HPS3: variants seen among roughly 807,000 people sequenced by gnomAD.
HPS3 encodes the protein BLOC-2 complex member HPS3.
In HPS3, 79 loss-of-function variants were observed where a neutral mutation model predicts 110.9. The observed-to-expected ratio is 0.71, with a 90% CI of 0.59 to 0.86. The LOEUF (loss-of-function observed/expected upper bound fraction) is 0.86, where lower values mean the gene tolerates loss of function less well. Ranked by LOEUF, HPS3 falls within the 40% of genes least tolerant of loss-of-function variation. The pLI is 0.00. For synonymous variants in HPS3, 428 were observed against 451.0 expected, an observed-to-expected ratio of 0.95 and a Z score of 0.65; for missense variants, 1,197 against 1,206.2, an observed-to-expected ratio of 0.99 and a Z score of 0.11.
Position 149,162,805 on chromosome 3 carries a change from C to T in HPS3, c.2408C>T (p.Thr803Ile), listed in dbSNP as rs1217032727. 9.9e-6 allele frequency: 16 copies of T among 1,613,916 alleles called. No homozygotes were observed. The highest frequency in any genetic ancestry group is 1.4e-5 in the Non-Finnish European group (16 of 1,179,936). The change falls in exon 13 of 17, where the codon ACA becomes ATA. Residue 803 changes from threonine to isoleucine, a missense_variant. Coordinates refer to ENST00000296051, the MANE Select transcript of HPS3 (RefSeq NM_032383.5). ...VVLQELFFKL[T>I]SQYIWRLSKR... is the part of the protein sequence containing the mutation. The stretch of plus-strand genomic sequence containing the variant: ...CTTCAGGAACTCTTTTTCAAACTCA[C>T]ATCACAGTACATCTGGAGATTGTCT...
intron 8 of HPS3, 83 bp downstream of exon 8, chr3:149,155,298 A>G: frequency 2.3e-6 from 2 of 857,490 alleles, no homozygotes; most frequent in Non-Finnish European, 4.0e-6. Context: ...ATTATCATAC[A>G]TTCAGGATGC....
intron 1 of HPS3, among the ~76,000 whole-genome samples, chr3:149,136,060 T>C (rs1170180437): frequency 6.6e-6 from 1 of 152,092 alleles, no homozygotes; most frequent in Non-Finnish European, 1.5e-5. Context: ...AATCAGTAAC[T>C]CTAAGCTCAA....
At chr3:149,150,003 C>T (rs1222084451) in intron 5 of HPS3, among the ~76,000 whole-genome samples, 1 of 152,116 alleles carries the variant, frequency 6.6e-6, no homozygotes, top group African/African-American at 2.4e-5. Flanking sequence ...GGCGGTGGAC[C>T]AGTCATGAAC....
At chr3:149,129,976 C>G in intron 1 of HPS3, 36 bp downstream of exon 1, 1 of 1,516,628 alleles carries the variant, frequency 6.6e-7, no homozygotes, top group Non-Finnish European at 8.8e-7. Flanking sequence ...CGCCTGGGGT[C>G]CAGCTTGAGG....
intron 1 of HPS3, among the ~76,000 whole-genome samples, chr3:149,132,385 T>C (rs1469913198): frequency 6.6e-6 from 1 of 152,190 alleles, no homozygotes; most frequent in East Asian, 1.9e-4. Flanking sequence ...ATAGGGCCCT[T>C]TTAAAAATTA....
chr3:149,162,448 T>C (rs1194724978), intron 12 of HPS3, 115 bp downstream of exon 12: 1 of 982,028 alleles, frequency 1.0e-6, no homozygotes, highest in Admixed American at 2.0e-5. Flanking sequence ...AAAACAGACA[T>C]ACATAATCAG....
At chr3:149,141,797 A>G (rs1368681164) in intron 4 of HPS3, among the ~76,000 whole-genome samples, 31 of 151,698 alleles carry the variant, frequency 2.0e-4, no homozygotes, top group Non-Finnish European at 1.5e-4. Flanking sequence ...GGCCTCCCAA[A>G]GTGCTAGGAT....
At chr3:149,140,535 A>G (rs1559909055) in intron 2 of HPS3, 37 bp downstream of exon 2, 2 of 1,611,758 alleles carry the variant, frequency 1.2e-6, no homozygotes, top group Admixed American at 3.3e-5. Flanking sequence ...TTGTTTTAGG[A>G]ATATAGAAAA....
chr3:149,154,938 G>A (rs1723348198), intron 7 of HPS3, among the ~76,000 whole-genome samples, 169 bp from the exon 8 acceptor site: 1 of 152,232 alleles, frequency 6.6e-6, no homozygotes, highest in African/African-American at 2.4e-5. Flanking sequence ...GTTAGCCTAT[G>A]TAGTATTGTG....
rs199882259 is a variant in HPS3, at chr3:149,158,742, C to T, written c.1768C>T (p.Arg590Cys). 2.2e-5 allele frequency: 36 copies of T among 1,612,692 alleles called. No individual in the cohort carries two copies. In the East Asian group the frequency reaches 3.1e-4, roughly 14 times the overall value. ...TTTGTCTATGGCTGAAGTTCTGGCC[C>T]GCACGGACTGGACAGTAGAGGATGG... ...SGLSMAEVLA[R>C]TDWTVEDGLQ... The change falls in exon 10 of 17, where the codon CGC (arginine) becomes TGC (cysteine). Residue 590 changes from arginine to cysteine, a missense_variant. Coordinates refer to ENST00000296051, the MANE Select transcript of HPS3 (RefSeq NM_032383.5).
chr3:149,138,637 C>G (rs1430311402), intron 1 of HPS3, among the ~76,000 whole-genome samples: 3 of 152,102 alleles, frequency 2.0e-5, no homozygotes, highest in African/African-American at 7.2e-5. Flanking sequence ...AAAATAGACT[C>G]TAAAACCATT....
chr3:149,139,425 CA>C (rs1722299419), intron 1 of HPS3, among the ~76,000 whole-genome samples: 1 of 152,180 alleles, frequency 6.6e-6, no homozygotes, highest in Admixed American at 6.5e-5. Context: ...TTATGCTTTT[CA>C]TTTTGCATCT....
At position 149,150,611 on chromosome 3, in the gene HPS3, G is replaced by T. The variant is rs1723042348; in HGVS notation, c.1176G>T (p.Gln392His). 2 of 1,613,932 alleles carry T rather than the reference G, an allele frequency of 1.2e-6. No individual in the cohort carries two copies. The highest frequency in any genetic ancestry group is 3.3e-5 in the Admixed American group (2 of 60,008). ...TCTTCCTCCTCAGTAACAACCTGCA[G>T]TGTTTCACTGTGCGGTGCAGTGCGG... ...FLHVITSNNL[Q>H]CFTVRCSAAA... The change falls in exon 6 of 17, where the codon CAG becomes CAT. Residue 392 changes from glutamine to histidine, a missense_variant. Transcript: ENST00000296051.
intron 10 of HPS3, among the ~76,000 whole-genome samples, chr3:149,159,442 A>C (rs948190664): frequency 6.6e-6 from 1 of 152,156 alleles, no homozygotes; most frequent in African/African-American, 2.4e-5. Flanking sequence ...ATACACCTGT[A>C]GTTCCAGCTA....
chr3:149,170,228 G>C (rs1724839473), intron 16 of HPS3, among the ~76,000 whole-genome samples: 1 of 152,170 alleles, frequency 6.6e-6, no homozygotes, highest in Non-Finnish European at 1.5e-5. Flanking sequence ...CCTTATTTGG[G>C]AGAAGAGGAG....
intron 14 of HPS3, 73 bp from the exon 15 acceptor site, chr3:149,166,961 A>C: frequency 2.5e-6 from 3 of 1,183,312 alleles, no homozygotes; most frequent in Middle Eastern, 4.9e-4. Context: ...AGTCTTAAGA[A>C]ATTGAATTCT....
chr3:149,143,364 C>G (rs1015389261), intron 4 of HPS3, among the ~76,000 whole-genome samples: 9 of 152,174 alleles, frequency 5.9e-5, no homozygotes, highest in African/African-American at 1.9e-4. Flanking sequence ...TTAAGTCATT[C>G]AGTTCGCAGC....
Position 149,172,288 on chromosome 3 carries a change from T to G in HPS3, c.*66T>G. Reference sequence around the variant, plus strand: ...AATTTCTAAAAATTGAATGCCAAAGTACAAGTAGAGGAGTTTTTTATTTTA... The same window carrying G: ...AATTTCTAAAAATTGAATGCCAAAGGACAAGTAGAGGAGTTTTTTATTTTA... On this transcript the variant is annotated 3_prime_UTR_variant, in exon 17 of 17. Transcript: ENST00000296051. The G allele has an allele frequency of 7.4e-7, 1 of 1,344,872 alleles. No individual in the cohort carries two copies. Among genetic ancestry groups the G allele is most frequent in the South Asian group, 1.2e-5 (1 of 83,398 alleles). 83.3% of individuals were successfully genotyped at this position (1,344,872 alleles called of 1,614,324 possible).
chr3:149,159,839 A>T (rs1166546344), intron 10 of HPS3, among the ~76,000 whole-genome samples: 2 of 152,132 alleles, frequency 1.3e-5, no homozygotes, highest in Admixed American at 6.6e-5. Flanking sequence ...TCTTCCTTAT[A>T]ATCAGCAAAG....
Sources: allele counts gnomAD v4.1 joint callset (sites outside exome capture counted in the v4.1 genomes callset), GRCh38; gene constraint gnomAD v4.1.1; transcripts MANE v1.5; gene names NCBI Gene and HGNC (gene_info 2026-07-23, HGNC 2026-07-21).